The following SYTL3 variants were observed in gnomAD, a reference collection of about 807,000 sequenced individuals.
SYTL3 encodes the protein synaptotagmin-like protein 3.
A neutral mutation model predicts 82.1 loss-of-function variants in SYTL3; 88 were observed. The ratio of observed to expected loss-of-function variants is 1.07; its 90% CI spans 0.90 to 1.28. The LOEUF (loss-of-function observed/expected upper bound fraction) is 1.28. Among genes scored for constraint, SYTL3 ranks in the 50% most tolerant of loss-of-function variants. SYTL3 has a pLI of 0.00. For missense variants in SYTL3, 831 were observed against 757.6 expected, an observed-to-expected ratio of 1.10 and a Z score of -1.14; for synonymous variants, 311 against 289.4, an observed-to-expected ratio of 1.07 and a Z score of -0.76.
chr6:158,762,016 T>C, intron 15 of SYTL3, 60 bp from the exon 16 acceptor site: 1 of 1,220,524 alleles, frequency 8.2e-7, no homozygotes, highest in Non-Finnish European at 1.2e-6. Context: ...GGGGTGGTGG[T>C]ACTGCATACT....
chr6:158,726,204 A>C (rs984697026), intron 11 of SYTL3: 1 of 435,348 alleles, frequency 2.3e-6, no homozygotes, highest in Non-Finnish European at 4.5e-6. Flanking sequence ...AGCAAAGCTG[A>C]ATATCCCTAC....
intron 2 of SYTL3, among the ~76,000 whole-genome samples, chr6:158,654,245 G>A (rs1788404089): frequency 1.3e-5 from 2 of 152,182 alleles, no homozygotes; most frequent in African/African-American, 4.8e-5. Flanking sequence ...CATGTTATGA[G>A]TTATTTGTCT....
intron 8 of SYTL3, 140 bp downstream of exon 8, chr6:158,708,531 C>T (rs1222723723): frequency 6.0e-5 from 47 of 789,674 alleles, no homozygotes; most frequent in African/African-American, 8.6e-5. Context: ...GGTCACAAAG[C>T]GGGGTGGGGA....
chr6:158,744,304 CTTTTTTT>C (rs869182913), intron 11 of SYTL3, among the ~76,000 whole-genome samples: 4 of 99,208 alleles, frequency 4.0e-5, no homozygotes, highest in African/African-American at 1.6e-4. Context: ...CTTTTTCTTT[CTTTTTTT>C]TTTTTTTTTT....
At chr6:158,673,639 C>A (rs984923188) in intron 5 of SYTL3, among the ~76,000 whole-genome samples, 1 of 150,268 alleles carries the variant, frequency 6.7e-6, no homozygotes, top group African/African-American at 2.4e-5. Context: ...CGGGGTTTCA[C>A]CATGTTAGCC....
At chr6:158,709,878 TA>T (rs1205350977) in intron 8 of SYTL3, among the ~76,000 whole-genome samples, 1 of 151,478 alleles carries the variant, frequency 6.6e-6, no homozygotes, top group Non-Finnish European at 1.5e-5. Context: ...CTACAAAAAA[TA>T]AAAAAATTAG....
upstream of SYTL3, among the ~76,000 whole-genome samples, chr6:158,649,323 T>C (rs1285839251): frequency 6.6e-6 from 1 of 152,244 alleles, no homozygotes; most frequent in Admixed American, 6.5e-5. Context: ...CTTCCATGGC[T>C]CTGCTTCATG....
At chr6:158,648,709 C>A (rs1378328626), upstream of SYTL3, among the ~76,000 whole-genome samples, 1 of 151,866 alleles carries the variant, frequency 6.6e-6, no homozygotes, top group East Asian at 1.9e-4. Flanking sequence ...TTCCTTTCTT[C>A]CCCTGTGCCA....
chr6:158,668,783 T>C (rs1469060761), intron 5 of SYTL3, among the ~76,000 whole-genome samples: 1 of 151,888 alleles, frequency 6.6e-6, no homozygotes, highest in Non-Finnish European at 1.5e-5. Flanking sequence ...GGATGGACCT[T>C]GGTTACAGGG....
intron 5 of SYTL3, among the ~76,000 whole-genome samples, chr6:158,681,346 A>G (rs947011164): frequency 6.6e-6 from 1 of 152,160 alleles, no homozygotes; most frequent in African/African-American, 2.4e-5. Context: ...GCTGTCATGC[A>G]TGTGACTAAG....
At chr6:158,724,844 A>G (rs1014587490) in intron 10 of SYTL3, among the ~76,000 whole-genome samples, 3 of 152,150 alleles carry the variant, frequency 2.0e-5, no homozygotes, top group Non-Finnish European at 2.9e-5. Context: ...GTGAAACCCC[A>G]TCTCTACTAA....
intron 4 of SYTL3, among the ~76,000 whole-genome samples, chr6:158,664,436 A>G (rs1031912623): frequency 5.3e-5 from 8 of 152,094 alleles, no homozygotes; most frequent in Non-Finnish European, 1.2e-4. Flanking sequence ...CCAGCTACTC[A>G]GGAGGTTGAG....
At chr6:158,697,797 G>A (rs1190133281) in intron 6 of SYTL3, among the ~76,000 whole-genome samples, 3 of 152,158 alleles carry the variant, frequency 2.0e-5, no homozygotes, top group East Asian at 3.8e-4. Context: ...GGCCTTGAGT[G>A]TATGTCAGTG....
At chr6:158,728,312 T>C (rs886885618) in intron 11 of SYTL3, among the ~76,000 whole-genome samples, 1 of 151,282 alleles carries the variant, frequency 6.6e-6, no homozygotes, top group African/African-American at 2.4e-5. Context: ...TCCATATGGA[T>C]ATTTAGTCAA....
chr6:158,739,717 G>A (rs1786678562), intron 11 of SYTL3, among the ~76,000 whole-genome samples: 1 of 152,082 alleles, frequency 6.6e-6, no homozygotes, highest in Admixed American at 6.6e-5. Flanking sequence ...CACTCACTAT[G>A]TTGTGCAGAC....
rs139767179 is a variant in SYTL3 at position 158,709,833 on chromosome 6, A to G, written c.516+1442A>G. 1.1e-3 allele frequency among the ~76,000 whole-genome samples: 161 copies of G among 152,322 alleles called. 1 individual carries two copies. Among genetic ancestry groups the G allele is most frequent in the Non-Finnish European group, 1.8e-3 (124 of 68,024 alleles). On this transcript the variant is annotated intron_variant, in intron 8 of 17. Coordinates refer to ENST00000611299, the MANE Select transcript of SYTL3 (RefSeq NM_001242394.2). The stretch of plus-strand genomic sequence containing the variant: ...GGGGATTTGAGAAACATGTAAAAAC[A>G]TGACAACAGCCTGGGCAACATAGCA...
At chr6:158,666,633 T>C (rs1790092141) in intron 5 of SYTL3, among the ~76,000 whole-genome samples, 1 of 152,104 alleles carries the variant, frequency 6.6e-6, no homozygotes. Context: ...GAAAACAACT[T>C]CTAAATATTG....
chr6:158,757,456 A>G (rs776429359), intron 14 of SYTL3, 75 bp downstream of exon 14: 82 of 1,505,916 alleles, frequency 5.4e-5, no homozygotes, highest in Non-Finnish European at 7.0e-5. Flanking sequence ...GAGATCCCAG[A>G]AGAGAAAACG....
intron 6 of SYTL3, among the ~76,000 whole-genome samples, chr6:158,704,866 G>A (rs1781824229): frequency 7.1e-6 from 1 of 140,184 alleles, no homozygotes; most frequent in South Asian, 2.4e-4. Flanking sequence ...CCAGGGCAGG[G>A]TGACAGTGAG....
Sources: allele counts gnomAD v4.1 joint callset (sites outside exome capture counted in the v4.1 genomes callset), GRCh38; gene constraint gnomAD v4.1.1; transcripts MANE v1.5; gene names NCBI Gene and HGNC (gene_info 2026-07-23, HGNC 2026-07-21).